HELZ: variants seen among roughly 807,000 people sequenced by gnomAD.
The protein encoded by HELZ is ATP-dependent RNA helicase with zinc finger domain.
In HELZ, 23 loss-of-function variants were observed where a neutral mutation model predicts 218.2. The ratio of observed to expected loss-of-function variants is 0.11; its 90% CI spans 0.08 to 0.15. The LOEUF is 0.15. Ranked by LOEUF, HELZ falls within the 10% of genes least tolerant of loss-of-function variation. HELZ has a pLI of 1.00. For synonymous variants in HELZ, 814 were observed against 829.4 expected (o/e 0.98, Z 0.32); for missense variants, 1,813 against 2,353.7 (o/e 0.77, Z 4.75).
At position 67,076,341 on chromosome 17, in the gene HELZ, T is replaced by C. The variant is rs2036018272; in HGVS notation, c.*1911A>G. 1 of 152,226 alleles carries C rather than the reference T, an allele frequency of 6.6e-6. No homozygotes were observed. The highest frequency in any genetic ancestry group is 1.5e-5 in the Non-Finnish European group (1 of 68,046). 9.4% of individuals were successfully genotyped at this position (152,226 alleles called of 1,614,324 possible). A position where few individuals can be genotyped will look rare whatever the true frequency, so the allele number is the denominator to read the frequency against. ...TTCTTTTCTTCCTACTAAAGAATGTTGAGTAAAATTTGACATTGCTAAATG... is the reference window on the plus strand; with the variant it reads ...TTCTTTTCTTCCTACTAAAGAATGTCGAGTAAAATTTGACATTGCTAAATG... On this transcript the variant is annotated 3_prime_UTR_variant, in exon 33 of 33. Coordinates refer to ENST00000358691, the MANE Select transcript of HELZ (RefSeq NM_014877.4).
intron 3 of HELZ, among the ~76,000 whole-genome samples, chr17:67,229,470 T>C (rs1263853007): frequency 6.6e-6 from 1 of 152,226 alleles, no homozygotes; most frequent in Non-Finnish European, 1.5e-5. Context: ...CTGAATCATC[T>C]ATTATCTTGA....
At chr17:67,164,212 C>T (rs909487657) in intron 15 of HELZ, among the ~76,000 whole-genome samples, 8 of 152,078 alleles carry the variant, frequency 5.3e-5, no homozygotes, top group East Asian at 1.9e-4. Context: ...GAAATGTTCA[C>T]GAATTAATTG....
Position 67,071,373 on chromosome 17 carries a change from G to C in HELZ, c.*6879C>G, listed in dbSNP as rs931193271. On this transcript the variant is annotated 3_prime_UTR_variant, in exon 33 of 33. Transcript: ENST00000358691. ...CATACAAGTTATCGTGCAAAGCAAA[G>C]TGTAAATAAACCGAAGCTCCCCTCT... The C allele has an allele frequency of 6.6e-6, 1 of 152,334 alleles. No homozygotes were observed. Among genetic ancestry groups the C allele is most frequent in the Non-Finnish European group, 1.5e-5 (1 of 68,050 alleles). The allele number at this position is 152,334 out of a possible 1,614,324, so 9.4% of individuals were successfully genotyped here.
intron 31 of HELZ, among the ~76,000 whole-genome samples, chr17:67,099,158 A>C (rs531851089): frequency 2.0e-5 from 3 of 151,110 alleles, no homozygotes; most frequent in Admixed American, 1.3e-4. Flanking sequence ...CTTATCTTTT[A>C]TTTTCTTTTC....
chr17:67,132,560 C>G (rs763146940), intron 23 of HELZ, among the ~76,000 whole-genome samples: 1 of 152,146 alleles, frequency 6.6e-6, no homozygotes, highest in African/African-American at 2.4e-5. Context: ...CTGAATCAGG[C>G]TGCCCATTTA....
intron 9 of HELZ, among the ~76,000 whole-genome samples, chr17:67,192,112 G>A (rs2144303148): frequency 6.6e-6 from 1 of 152,140 alleles, no homozygotes; most frequent in Admixed American, 6.5e-5. Context: ...TGAGGCAGGA[G>A]AATCGCTTGA....
rs1301959081 is a variant in HELZ at position 67,072,053 on chromosome 17, T to C, written c.*6199A>G. 6.6e-6 allele frequency: 1 copy of C among 152,442 alleles called. No individual in the cohort carries two copies. Among genetic ancestry groups the C allele is most frequent in the Non-Finnish European group, 1.5e-5 (1 of 68,056 alleles). 9.4% of individuals were successfully genotyped at this position (152,442 alleles called of 1,614,324 possible). On this transcript the variant is annotated 3_prime_UTR_variant, in exon 33 of 33. Transcript: ENST00000358691. ...AATAATAACCATAAAAACTAAAACA[T>C]TTGCCAGGCGCAGTGGCTCATGCCT... is the stretch of plus-strand genomic sequence containing the variant.
intron 13 of HELZ, 141 bp downstream of exon 13, chr17:67,178,518 T>C (rs1246154983): frequency 4.4e-6 from 3 of 689,340 alleles, no homozygotes; most frequent in Non-Finnish European, 7.2e-6. Flanking sequence ...GAAGCTCATA[T>C]TTCCTTTAAA....
rs1440111589 is a variant in HELZ, at chr17:67,145,973, T to G, written c.2622-83A>C. ...CCATAAGAAAAAAAAAATCAGTCGATTCTAATAATATTGCCTTATGTCCAT... is the reference window on the plus strand; with the variant it reads ...CCATAAGAAAAAAAAAATCAGTCGAGTCTAATAATATTGCCTTATGTCCAT... On this transcript the variant is annotated intron_variant, in intron 20 of 32. Coordinates refer to ENST00000358691, the MANE Select transcript of HELZ (RefSeq NM_014877.4). The G allele has an allele frequency of 5.8e-6, 7 of 1,200,384 alleles. No homozygotes were observed. In the East Asian group the frequency reaches 1.8e-4, roughly 30 times the overall value. 74.4% of individuals were successfully genotyped at this position (1,200,384 alleles called of 1,614,324 possible).
At chr17:67,125,151 G>A (rs1178160459) in intron 24 of HELZ, among the ~76,000 whole-genome samples, 1 of 150,578 alleles carries the variant, frequency 6.6e-6, no homozygotes, top group Non-Finnish European at 1.5e-5. Flanking sequence ...AAGGTCAATT[G>A]GTTATGAGTG....
At chr17:67,104,317 T>C (rs2037025213) in intron 31 of HELZ, among the ~76,000 whole-genome samples, 1 of 151,868 alleles carries the variant, frequency 6.6e-6, no homozygotes, top group Non-Finnish European at 1.5e-5. Flanking sequence ...TGGACACCTG[T>C]AGTTCCAGCT....
At chr17:67,105,384 T>A (rs2037069648) in intron 31 of HELZ, among the ~76,000 whole-genome samples, 1 of 152,170 alleles carries the variant, frequency 6.6e-6, no homozygotes, top group African/African-American at 2.4e-5. Flanking sequence ...GGCCACATAA[T>A]GTATGACTCA....
chr17:67,114,974 C>T (rs1192782666), intron 27 of HELZ, among the ~76,000 whole-genome samples: 2 of 152,138 alleles, frequency 1.3e-5, no homozygotes, highest in Admixed American at 1.3e-4. Context: ...ACAATTCATA[C>T]ATGGGAAAGG....
At chr17:67,197,134 G>A (rs2040051465) in intron 7 of HELZ, among the ~76,000 whole-genome samples, 1 of 152,142 alleles carries the variant, frequency 6.6e-6, no homozygotes, top group Non-Finnish European at 1.5e-5. Context: ...GGGACCCAGT[G>A]GGAGATAACT....
At chr17:67,166,683 G>A (rs757534553) in intron 14 of HELZ, 75 bp from the exon 15 acceptor site, 272 of 1,320,858 alleles carry the variant, frequency 2.1e-4, no homozygotes, top group Non-Finnish European at 2.7e-4. Flanking sequence ...AGAATACTTT[G>A]GGAGGAATCT....
chr17:67,226,732 G>A (rs2040902969), intron 3 of HELZ, among the ~76,000 whole-genome samples: 1 of 152,204 alleles, frequency 6.6e-6, no homozygotes, highest in East Asian at 1.9e-4. Context: ...ATTGCTAAAA[G>A]TGGAAACAAC....
At chr17:67,234,659 C>T (rs75350173) in intron 3 of HELZ, among the ~76,000 whole-genome samples, 33,593 of 151,742 alleles carry the variant, frequency 0.22, 4,553 homozygotes, top group Non-Finnish European at 0.31. Flanking sequence ...CATAGCAAGA[C>T]CCCTAACTTT....
At chr17:67,147,234 G>A (rs2038525578) in intron 20 of HELZ, among the ~76,000 whole-genome samples, 1 of 152,080 alleles carries the variant, frequency 6.6e-6, no homozygotes, top group Non-Finnish European at 1.5e-5. Context: ...TTGGTTTCCA[G>A]AATTGCCCCT....
intron 31 of HELZ, among the ~76,000 whole-genome samples, chr17:67,094,596 ATT>A (rs2036685118): frequency 6.6e-6 from 1 of 152,146 alleles, no homozygotes; most frequent in Non-Finnish European, 1.5e-5. Context: ...ACTATAATCT[ATT>A]AAGTGTGCAA....
Sources: gnomAD v4.1 joint callset for allele counts (sites outside exome capture counted in the v4.1 genomes callset) on GRCh38, gnomAD v4.1.1 for gene constraint, MANE v1.5 for transcripts, NCBI Gene and HGNC (gene_info 2026-07-23, HGNC 2026-07-21) for gene names.